The following THSD7A variants were observed in gnomAD, a reference collection of about 807,000 sequenced individuals.
THSD7A encodes the protein thrombospondin type-1 domain-containing protein 7A.
THSD7A carries 96 observed loss-of-function variants against 231.3 expected under a neutral mutation model. That is an observed-to-expected ratio of 0.41 (90% CI 0.35 to 0.49). The LOEUF (loss-of-function observed/expected upper bound fraction) is 0.49, where lower values mean the gene tolerates loss of function less well. Ranked by LOEUF, THSD7A falls within the 20% of genes least tolerant of loss-of-function variation. The probability of loss-of-function intolerance (pLI) is 0.05; values close to 1 mark genes in which losing one functional copy is unlikely to be tolerated. For missense variants in THSD7A, 2,290 were observed against 2,070.2 expected (o/e 1.11, Z -2.06); for synonymous variants, 940 against 743.3 (o/e 1.26, Z -4.30).
At chr7:11,627,674 T>C (rs547800117) in intron 2 of THSD7A, among the ~76,000 whole-genome samples, 33 of 152,248 alleles carry the variant, frequency 2.2e-4, no homozygotes, top group African/African-American at 7.7e-4. Context: ...AAAGATGTCA[T>C]AGTTAATGAG....
At position 11,543,088 on chromosome 7, in the gene THSD7A, T is replaced by G; in HGVS notation, c.1483A>C (p.Thr495Pro). The change falls in exon 5 of 28, where the codon ACT becomes CCT. Residue 495 changes from threonine to proline, a missense_variant. Thr to Pro is a conservative substitution (Grantham distance 38, BLOSUM62 -1). Transcript: ENST00000423059. Reference sequence around the variant, plus strand: ...TGTGTAGTATTAGGGATAGGTCCAGTGCATAATTTTAAGTCCATTGGCTTT... The same window carrying G: ...TGTGTAGTATTAGGGATAGGTCCAGGGCATAATTTTAAGTCCATTGGCTTT... ...ASKPMDLKLC[T>P]GPIPNTTQLC... The G allele has an allele frequency of 6.2e-7, 1 of 1,612,638 alleles. No individual in the cohort carries two copies.
At chr7:11,625,741 C>G (rs372867410) in intron 2 of THSD7A, among the ~76,000 whole-genome samples, 1 of 151,868 alleles carries the variant, frequency 6.6e-6, no homozygotes, top group Non-Finnish European at 1.5e-5. Context: ...TATTAAATTC[C>G]CTCTTTTATG....
chr7:11,751,699 T>C (rs1331353958), intron 1 of THSD7A, among the ~76,000 whole-genome samples: 1 of 151,980 alleles, frequency 6.6e-6, no homozygotes, highest in African/African-American at 2.4e-5. Context: ...TGTAAGCTTA[T>C]GCAAAGTTTT....
At chr7:11,516,274 G>T (rs1264388715) in intron 6 of THSD7A, among the ~76,000 whole-genome samples, 1 of 152,106 alleles carries the variant, frequency 6.6e-6, no homozygotes, top group South Asian at 2.1e-4. Flanking sequence ...TACAAAATCA[G>T]AAATTTTAAA....
At chr7:11,800,848 G>T (rs150153471) in intron 1 of THSD7A, among the ~76,000 whole-genome samples, 1 of 152,110 alleles carries the variant, frequency 6.6e-6, no homozygotes, top group East Asian at 1.9e-4. Context: ...TGTTGTGCAC[G>T]TTAATAAAAG....
chr7:11,578,049 A>G (rs1790995670), intron 4 of THSD7A, among the ~76,000 whole-genome samples: 1 of 152,198 alleles, frequency 6.6e-6, no homozygotes, highest in Non-Finnish European at 1.5e-5. Flanking sequence ...ATGTTAGCCC[A>G]TGGCAGGATT....
At chr7:11,378,940 AT>A in intron 26 of THSD7A, 129 bp downstream of exon 26, 3 of 782,476 alleles carry the variant, frequency 3.8e-6, no homozygotes, top group Non-Finnish European at 6.1e-6. Flanking sequence ...AGATGGCACT[AT>A]CAGAATAAAT....
At chr7:11,793,783 A>T (rs1784037247) in intron 1 of THSD7A, among the ~76,000 whole-genome samples, 1 of 151,900 alleles carries the variant, frequency 6.6e-6, no homozygotes, top group Non-Finnish European at 1.5e-5. Flanking sequence ...TAGAACAAAA[A>T]GATTTATGCT....
intron 17 of THSD7A, among the ~76,000 whole-genome samples, chr7:11,414,295 G>GA (rs1205263443): frequency 2.0e-5 from 3 of 152,226 alleles, no homozygotes; most frequent in Admixed American, 6.5e-5. Context: ...TTAGAGCACT[G>GA]AAAATCCCAC....
chr7:11,412,060 A>G (rs1783805456), intron 18 of THSD7A, among the ~76,000 whole-genome samples: 1 of 152,200 alleles, frequency 6.6e-6, no homozygotes, highest in South Asian at 2.1e-4. Context: ...TGTTGCCCCA[A>G]TTCATATAAA....
intron 6 of THSD7A, among the ~76,000 whole-genome samples, chr7:11,490,562 G>A (rs961827434): frequency 2.6e-5 from 4 of 152,090 alleles, no homozygotes; most frequent in Admixed American, 2.6e-4. Context: ...TGTTCTCTGA[G>A]TGTACAGTAT....
At chr7:11,736,167 GA>G (rs1645634706) in intron 1 of THSD7A, among the ~76,000 whole-genome samples, 1 of 151,976 alleles carries the variant, frequency 6.6e-6, no homozygotes, top group Admixed American at 6.6e-5. Context: ...CATATGTAGA[GA>G]GAGAAAATAA....
Position 11,474,435 on chromosome 7 carries a change from G to C in THSD7A, c.2151C>G (p.Asn717Lys). Residue 717 changes from asparagine to lysine, a missense_variant, in exon 8 of 28, where the codon AAC (asparagine) becomes AAG (lysine). By Grantham distance (94) the Asn-to-Lys change is moderately conservative. Transcript: ENST00000423059. The surrounding 1 kb of genome is among the most constrained non-coding windows in gnomAD (Gnocchi z 4.1). ...CCTCCCCATTCCAAGTCGTAGTTGT[G>C]TTGAAGGACGATACTGAGGTGTCCT... Reference protein sequence around the residue: ...CIEDTSVSSFNTTTTWNGEAS... With the variant: ...CIEDTSVSSFKTTTTWNGEAS... 6.2e-7 allele frequency: 1 copy of C among 1,613,608 alleles called. No homozygotes were observed.
chr7:11,428,419 T>C (rs183667330), intron 14 of THSD7A, among the ~76,000 whole-genome samples: 1 of 152,314 alleles, frequency 6.6e-6, no homozygotes, highest in Admixed American at 6.5e-5. Flanking sequence ...AAATGGTCAA[T>C]GACTAAATTG....
chr7:11,748,590 A>G (rs1782391492), intron 1 of THSD7A, among the ~76,000 whole-genome samples: 1 of 152,014 alleles, frequency 6.6e-6, no homozygotes, highest in African/African-American at 2.4e-5. Flanking sequence ...AAGTCAAGAG[A>G]CATCATGAAA....
intron 1 of THSD7A, among the ~76,000 whole-genome samples, chr7:11,790,649 T>A (rs1200708743): frequency 6.6e-6 from 1 of 151,934 alleles, no homozygotes; most frequent in Non-Finnish European, 1.5e-5. Context: ...AAACACATGA[T>A]GTGTTTAGCA....
At chr7:11,538,222 T>TA (rs1006035088) in intron 6 of THSD7A, among the ~76,000 whole-genome samples, 1 of 152,136 alleles carries the variant, frequency 6.6e-6, no homozygotes, top group African/African-American at 2.4e-5. Flanking sequence ...TGTACTGCTT[T>TA]AAAAAATAAT....
chr7:11,439,841 G>C (rs1034514075), intron 13 of THSD7A, among the ~76,000 whole-genome samples: 4 of 152,082 alleles, frequency 2.6e-5, no homozygotes, highest in Non-Finnish European at 5.9e-5. Context: ...TGATATAGAA[G>C]CTGCAGCAAG....
At chr7:11,517,749 T>C (rs1306357645) in intron 6 of THSD7A, among the ~76,000 whole-genome samples, 1 of 152,254 alleles carries the variant, frequency 6.6e-6, no homozygotes, top group African/African-American at 2.4e-5. Flanking sequence ...TAGGTTTATT[T>C]TTCTGATCCC....
Sources: allele counts gnomAD v4.1 joint callset (sites outside exome capture counted in the v4.1 genomes callset), GRCh38; gene constraint gnomAD v4.1.1; non-coding constraint Gnocchi (gnomAD v3.1); transcripts MANE v1.5; gene names NCBI Gene and HGNC (gene_info 2026-07-23, HGNC 2026-07-21).